Variants in TNRC6B observed in about 807,000 individuals in gnomAD.
TNRC6B encodes trinucleotide repeat-containing gene 6B protein.
A neutral mutation model predicts 203.6 loss-of-function variants in TNRC6B; 52 were observed. The observed-to-expected ratio is 0.26, with a 90% CI of 0.20 to 0.32. The LOEUF (loss-of-function observed/expected upper bound fraction) is 0.32. TNRC6B is among the 10% of genes least tolerant of loss of function. TNRC6B has a pLI of 1.00. For missense variants in TNRC6B, 1,923 were observed against 2,286.2 expected (o/e 0.84, Z 3.24); for synonymous variants, 838 against 845.7 (o/e 0.99, Z 0.16).
At chr22:40,305,142 G>A (rs2071073697) in intron 15 of TNRC6B, among the ~76,000 whole-genome samples, 1 of 152,194 alleles carries the variant, frequency 6.6e-6, no homozygotes, top group Non-Finnish European at 1.5e-5. Flanking sequence ...TGGAGAATGA[G>A]AGAGAGTAAT....
At chr22:40,283,078 CA>C (rs1391528766) in intron 11 of TNRC6B, among the ~76,000 whole-genome samples, 7 of 151,962 alleles carry the variant, frequency 4.6e-5, no homozygotes, top group African/African-American at 1.7e-4. Flanking sequence ...CTCTGTCGCC[CA>C]GGCTGGAATG....
At chr22:40,168,482 GATTTAACT>G (rs2068942061) in intron 4 of TNRC6B, among the ~76,000 whole-genome samples, 1 of 152,126 alleles carries the variant, frequency 6.6e-6, no homozygotes, top group South Asian at 2.1e-4. Flanking sequence ...TCCAAACGCA[GATTTAACT>G]TTTGAGGTTC....
At chr22:40,089,080 G>A (rs1366183175) in intron 1 of TNRC6B, among the ~76,000 whole-genome samples, 3 of 152,086 alleles carry the variant, frequency 2.0e-5, no homozygotes, top group Non-Finnish European at 4.4e-5. Context: ...GTTGTTGAGT[G>A]TATATTGTCA....
intron 1 of TNRC6B, among the ~76,000 whole-genome samples, chr22:40,116,904 G>A (rs1314677135): frequency 6.6e-6 from 1 of 152,164 alleles, no homozygotes; most frequent in Admixed American, 6.5e-5. Flanking sequence ...TGTTGGTTGA[G>A]GAAGCTGAGC....
Position 40,264,696 on chromosome 22 carries a change from C to G in TNRC6B, c.466C>G (p.Leu156Val). 1.9e-6 allele frequency: 3 copies of G among 1,590,440 alleles called. No homozygotes were observed. The highest frequency in any genetic ancestry group is 2.6e-6 in the Non-Finnish European group (3 of 1,167,564). The change falls in exon 5 of 23, where the codon CTT becomes GTT. Residue 156 changes from leucine (L) to valine (V), a missense_variant. Transcript: ENST00000454349. The part of the protein sequence containing the change: ...SESGTAPDST[L>V]GGAAASNYAN... ...GATGATCTGTTCCCCAGACTCAACC[C>G]TTGGAGGTGCTGCTGCTTCAAATTA... is the stretch of plus-strand genomic sequence containing the variant.
chr22:40,311,442 A>G (rs1476604362), intron 17 of TNRC6B, among the ~76,000 whole-genome samples: 2 of 152,226 alleles, frequency 1.3e-5, no homozygotes, highest in African/African-American at 4.8e-5. Flanking sequence ...TAAAGCAAAA[A>G]TTAAAATCAG....
intron 19 of TNRC6B, among the ~76,000 whole-genome samples, chr22:40,313,319 A>T (rs893935995): frequency 2.6e-5 from 4 of 152,184 alleles, no homozygotes; most frequent in African/African-American, 9.7e-5. Context: ...GTCAAGGGTC[A>T]TGAGAAGAAC....
intron 1 of TNRC6B, among the ~76,000 whole-genome samples, chr22:40,074,049 A>G (rs551406509): frequency 5.4e-5 from 8 of 148,200 alleles, no homozygotes; most frequent in Admixed American, 5.3e-4. Flanking sequence ...AGCCTAGGCA[A>G]TGAGAGTGAA....
intron 1 of TNRC6B, among the ~76,000 whole-genome samples, chr22:40,051,102 C>T (rs149823861): frequency 1.3e-5 from 2 of 152,160 alleles, no homozygotes; most frequent in Non-Finnish European, 2.9e-5. Flanking sequence ...GGATTACAGG[C>T]GTGAGCCACC....
intron 1 of TNRC6B, among the ~76,000 whole-genome samples, chr22:40,235,367 G>A (rs745377612): frequency 3.3e-5 from 5 of 152,114 alleles, no homozygotes; most frequent in Non-Finnish European, 7.4e-5. Context: ...TGGGGGTCCC[G>A]TGGGAGCTTT....
chr22:40,173,794 T>TATATATATATATAA (rs201025367), upstream of TNRC6B, among the ~76,000 whole-genome samples: 33 of 31,440 alleles, frequency 1.0e-3, no homozygotes, highest in Non-Finnish European at 1.4e-3. Context: ...TATATATATA[T>TATATATATATATAA]TTTTTTTTTT....
At chr22:40,237,429 C>T (rs1476374491) in intron 1 of TNRC6B, among the ~76,000 whole-genome samples, 3 of 152,172 alleles carry the variant, frequency 2.0e-5, no homozygotes, top group Non-Finnish European at 2.9e-5. Flanking sequence ...GAATTCTCAG[C>T]CTCAGCCTGG....
intron 1 of TNRC6B, among the ~76,000 whole-genome samples, chr22:40,088,826 G>A (rs115184911): frequency 0.013 from 1,936 of 152,166 alleles, 32 homozygotes; most frequent in African/African-American, 0.043. Context: ...GAAGGAAATA[G>A]GGTAGAGGGG....
rs398061938 is a variant in TNRC6B, at chr22:40,323,786, T to TA, written c.*559dup. On this transcript the variant is annotated 3_prime_UTR_variant, in exon 23 of 23. Coordinates refer to ENST00000454349, the MANE Select transcript of TNRC6B (RefSeq NM_001162501.2). ...TTTAAAAACAAAAACACAAAAAACC[T>TA]AAAAAAAAAAAAAAGGAAAAAATTT... 8.4e-3 allele frequency: 1,046 copies of TA among 125,074 alleles called. 2 individuals carry two copies. Among genetic ancestry groups the TA allele is most frequent in the Non-Finnish European group, 9.4e-3 (538 of 57,232 alleles). The allele number at this position is 125,074 out of a possible 1,614,324, so 7.7% of individuals were successfully genotyped here.
At chr22:40,218,729 A>G (rs781018395) in intron 1 of TNRC6B, among the ~76,000 whole-genome samples, 9 of 152,210 alleles carry the variant, frequency 5.9e-5, no homozygotes, top group African/African-American at 2.2e-4. Context: ...TGGACCAAGC[A>G]TGGGCGGCAC....
chr22:40,228,745 C>T (rs529037605), intron 1 of TNRC6B, among the ~76,000 whole-genome samples: 2 of 151,702 alleles, frequency 1.3e-5, no homozygotes, highest in Non-Finnish European at 1.5e-5. Flanking sequence ...AGGATGGTCT[C>T]GATCTCCTGA....
intron 1 of TNRC6B, among the ~76,000 whole-genome samples, chr22:40,052,615 C>A (rs2067758995): frequency 6.6e-6 from 1 of 151,978 alleles, no homozygotes; most frequent in Non-Finnish European, 1.5e-5. Flanking sequence ...CACCTCCACA[C>A]CTGGCTCATG....
intron 1 of TNRC6B, chr22:40,106,254 TTCAA>T: frequency 8.1e-6 from 2 of 247,024 alleles, no homozygotes; most frequent in Non-Finnish European, 1.5e-5. Flanking sequence ...TTTTTTTTTT[TTCAA>T]TTTGAGAGCA....
At position 40,315,880 on chromosome 22, in the gene TNRC6B, C is replaced by G. The variant is rs933563190; in HGVS notation, c.4904-62C>G. ...GTGAGCTACATGAAAATCTTTCTCC[C>G]TCATGGCTTTTCTTGTTTTTGTTTT... On this transcript the variant is annotated intron_variant, in intron 20 of 22. Transcript: ENST00000454349. The G allele has an allele frequency of 4.6e-6, 6 of 1,300,288 alleles. No individual in the cohort carries two copies. The African/African-American group carries it at 8.8e-5, about 19-fold the overall frequency. The allele number at this position is 1,300,288 out of a possible 1,614,324, so 80.5% of individuals were successfully genotyped here.
Sources: gnomAD v4.1 joint callset for allele counts (sites outside exome capture counted in the v4.1 genomes callset) on GRCh38, gnomAD v4.1.1 for gene constraint, MANE v1.5 for transcripts, NCBI Gene and HGNC (gene_info 2026-07-23, HGNC 2026-07-21) for gene names.